The following THADA variants were observed in gnomAD, a reference collection of about 807,000 sequenced individuals.
The protein encoded by THADA is tRNA (32-2'-O)-methyltransferase regulator THADA.
In THADA, 213 loss-of-function variants were observed where a neutral mutation model predicts 219.8. The observed-to-expected ratio is 0.97, with a 90% CI of 0.87 to 1.09. The LOEUF (loss-of-function observed/expected upper bound fraction) is 1.09, where lower values mean the gene tolerates loss of function less well. Among genes scored for constraint, THADA ranks in the 50% least tolerant of loss-of-function variants. The pLI is 0.00. For missense variants in THADA, 2,956 were observed against 2,311.3 expected (o/e 1.28, Z -5.72); for synonymous variants, 1,018 against 828.9 (o/e 1.23, Z -3.92).
chr2:43,307,426 C>G (rs1676991081), intron 31 of THADA, among the ~76,000 whole-genome samples: 1 of 151,624 alleles, frequency 6.6e-6, no homozygotes, highest in Non-Finnish European at 1.5e-5. Flanking sequence ...TTTGCACATG[C>G]AAGGGGTGAA....
intron 28 of THADA, among the ~76,000 whole-genome samples, chr2:43,412,010 A>C (rs1676369377): frequency 6.6e-6 from 1 of 152,182 alleles, no homozygotes; most frequent in Non-Finnish European, 1.5e-5. Flanking sequence ...TAGCTGTGGC[A>C]CAGTTTGAGA....
intron 26 of THADA, among the ~76,000 whole-genome samples, chr2:43,457,629 TTA>T (rs1395651714): frequency 6.6e-6 from 1 of 152,172 alleles, no homozygotes; most frequent in Non-Finnish European, 1.5e-5. Context: ...ATTAATTCCA[TTA>T]AACTGGTGTT....
chr2:43,433,564 C>T (rs1025349259), intron 26 of THADA, among the ~76,000 whole-genome samples: 2 of 152,084 alleles, frequency 1.3e-5, no homozygotes, highest in African/African-American at 4.8e-5. Flanking sequence ...AGGAGATGTG[C>T]TGTGCTCATA....
rs749318195 is a variant in THADA at position 43,551,861 on chromosome 2, G to C, written c.2875C>G (p.Leu959Val). Reference sequence around the variant, plus strand: ...ATGACTGGAGACACCACAGTGGAAAGCCTGTAGGACATCAAAAGGAGCTTC... The same window carrying C: ...ATGACTGGAGACACCACAGTGGAAACCCTGTAGGACATCAAAAGGAGCTTC... ...VEKLLLMSYR[L>V]STVVSPVIQS... The change falls in exon 19 of 38, where the codon CTT becomes GTT. Residue 959 changes from leucine to valine, a missense_variant. Coordinates refer to ENST00000405975, the MANE Select transcript of THADA (RefSeq NM_022065.5). 4.3e-6 allele frequency: 7 copies of C among 1,613,776 alleles called. No individual in the cohort carries two copies. The Admixed American group carries it at 8.3e-5, about 19-fold the overall frequency.
At chr2:43,302,426 C>A (rs1676373325) in intron 31 of THADA, among the ~76,000 whole-genome samples, 2 of 151,836 alleles carry the variant, frequency 1.3e-5, no homozygotes, top group African/African-American at 2.4e-5. Context: ...ATTCTTGCAT[C>A]CAATTTGATT....
chr2:43,532,412 C>CAAAA (rs773523844), intron 21 of THADA, among the ~76,000 whole-genome samples: 1 of 47,212 alleles, frequency 2.1e-5, no homozygotes, highest in Non-Finnish European at 4.3e-5. Flanking sequence ...GACTCCACCT[C>CAAAA]AAAAAAAAAA....
intron 25 of THADA, among the ~76,000 whole-genome samples, chr2:43,488,706 T>C (rs1031757007): frequency 6.6e-6 from 1 of 152,204 alleles, no homozygotes; most frequent in Non-Finnish European, 1.5e-5. Context: ...AGAAGTAGTA[T>C]TGCTTGGTCA....
chr2:43,380,653 C>T (rs1671898214), intron 29 of THADA, among the ~76,000 whole-genome samples: 1 of 152,168 alleles, frequency 6.6e-6, no homozygotes, highest in South Asian at 2.1e-4. Flanking sequence ...GAAACGGTAA[C>T]ACCCTAGTAG....
intron 22 of THADA, among the ~76,000 whole-genome samples, chr2:43,515,171 T>TAA (rs1374719102): frequency 4.4e-5 from 1 of 22,546 alleles, no homozygotes; most frequent in African/African-American, 1.9e-4. Flanking sequence ...ATATAATATA[T>TAA]TATATATTAT....
intron 26 of THADA, among the ~76,000 whole-genome samples, chr2:43,467,202 A>AC (rs1324134957): frequency 2.7e-5 from 4 of 148,602 alleles, no homozygotes; most frequent in Admixed American, 2.7e-4. Flanking sequence ...AAAAAAAAAA[A>AC]AAAACACCAC....
At chr2:43,463,400 T>C (rs912799457) in intron 26 of THADA, 4 of 152,202 alleles carry the variant, frequency 2.6e-5, no homozygotes, top group African/African-American at 9.7e-5. Context: ...GCAGAAAGCA[T>C]TCAACTACCG....
chr2:43,293,823 G>T (rs1232524978), intron 31 of THADA, among the ~76,000 whole-genome samples: 2 of 152,124 alleles, frequency 1.3e-5, no homozygotes, highest in Non-Finnish European at 2.9e-5. Context: ...AAATGATGGG[G>T]TCACTGTCTC....
chr2:43,556,148 TA>T, intron 17 of THADA, 196 bp downstream of exon 17: 1 of 1,196,458 alleles, frequency 8.4e-7, no homozygotes, highest in Non-Finnish European at 1.1e-6. Flanking sequence ...TTATTCAACA[TA>T]AATCCACTGT....
chr2:43,300,033 CAAAAA>C (rs538753350), intron 31 of THADA, among the ~76,000 whole-genome samples: 2 of 83,600 alleles, frequency 2.4e-5, no homozygotes. Context: ...TGTCTCAAGG[CAAAAA>C]AAAAAAAAAA....
At chr2:43,262,258 G>A (rs1671043437) in intron 36 of THADA, among the ~76,000 whole-genome samples, 1 of 152,194 alleles carries the variant, frequency 6.6e-6, no homozygotes, top group African/African-American at 2.4e-5. Context: ...TGTTTTATGG[G>A]ACTTTGGGGG....
At chr2:43,400,102 A>T (rs1344705037) in intron 28 of THADA, among the ~76,000 whole-genome samples, 1 of 152,164 alleles carries the variant, frequency 6.6e-6, no homozygotes, top group African/African-American at 2.4e-5. Context: ...ATGGTTACAG[A>T]TGTTTAGTTT....
At chr2:43,256,830 C>T (rs1408437746) in intron 36 of THADA, among the ~76,000 whole-genome samples, 1 of 152,166 alleles carries the variant, frequency 6.6e-6, no homozygotes, top group Non-Finnish European at 1.5e-5. Context: ...CCTTCTACCT[C>T]AGCCTCCCAA....
At chr2:43,483,987 T>C (rs1368645432) in intron 26 of THADA, among the ~76,000 whole-genome samples, 2 of 151,996 alleles carry the variant, frequency 1.3e-5, no homozygotes, top group African/African-American at 4.8e-5. Context: ...ATATTAGTGA[T>C]TTCAAGTTAG....
intron 30 of THADA, among the ~76,000 whole-genome samples, chr2:43,328,896 G>A (rs1679641091): frequency 6.6e-6 from 1 of 152,152 alleles, no homozygotes; most frequent in South Asian, 2.1e-4. Flanking sequence ...TTAATCACCT[G>A]CCTTTCCAGA....
Sources: allele counts gnomAD v4.1 joint callset (sites outside exome capture counted in the v4.1 genomes callset), GRCh38; gene constraint gnomAD v4.1.1; transcripts MANE v1.5; gene names NCBI Gene and HGNC (gene_info 2026-07-23, HGNC 2026-07-21).